WWOX: variants seen among roughly 807,000 people sequenced by gnomAD.
WWOX encodes the protein WW domain containing oxidoreductase.
A neutral mutation model predicts 46.2 loss-of-function variants in WWOX; 69 were observed. That is an observed-to-expected ratio of 1.49 (90% CI 1.23 to 1.82). The LOEUF (loss-of-function observed/expected upper bound fraction) is 1.82, where lower values mean the gene tolerates loss of function less well. WWOX is among the 40% of genes most tolerant of loss of function. WWOX has a pLI of 0.00. For missense variants in WWOX, 919 were observed against 542.6 expected (o/e 1.69, Z -6.89); for synonymous variants, 359 against 202.6 (o/e 1.77, Z -6.56).
At chr16:78,386,996 A>C in intron 6 of WWOX, 48 bp downstream of exon 6, 1 of 1,560,332 alleles carries the variant, frequency 6.4e-7, no homozygotes, top group South Asian at 1.1e-5. Flanking sequence ...TTGCTATTGT[A>C]ATATCTTTAT....
intron 8 of WWOX, among the ~76,000 whole-genome samples, chr16:78,511,327 C>G (rs575947109): frequency 6.6e-6 from 1 of 152,204 alleles, no homozygotes; most frequent in African/African-American, 2.4e-5. Context: ...GGTCCAGACA[C>G]TATGACCGTT....
chr16:78,478,255 A>G (rs903791500), intron 8 of WWOX, among the ~76,000 whole-genome samples: 3 of 152,214 alleles, frequency 2.0e-5, no homozygotes, highest in African/African-American at 7.2e-5. Flanking sequence ...TTTATGGCCT[A>G]TTCCATTCTT....
At position 78,454,489 on chromosome 16, in the gene WWOX, T is replaced by TTG. The variant is rs576839297; in HGVS notation, c.1056+21738_1056+21739insGT. On this transcript the variant is annotated intron_variant, in intron 8 of 8. Coordinates refer to ENST00000566780, the MANE Select transcript of WWOX (RefSeq NM_016373.4). Reference sequence around the variant, plus strand: ...TTTCCCCTAGGTTGTGTTTTTGTGTTTTTGTTTGTTTGTTTGTTTCTTTGT... The same window carrying TTG: ...TTTCCCCTAGGTTGTGTTTTTGTGTTTGTTTGTTTGTTTGTTTGTTTCTTTGT... 3.7e-4 allele frequency among the ~76,000 whole-genome samples: 53 copies of TTG among 142,122 alleles called. No homozygotes were observed. The South Asian group carries it at 0.011, about 31-fold the overall frequency. 93.2% of individuals were successfully genotyped at this position (142,122 alleles called of 152,430 possible). A position where few individuals can be genotyped will look rare whatever the true frequency, so the allele number is the denominator to read the frequency against.
intron 8 of WWOX, among the ~76,000 whole-genome samples, chr16:78,857,110 C>T (rs917546744): frequency 2.6e-5 from 4 of 152,192 alleles, no homozygotes; most frequent in Admixed American, 6.5e-5. Flanking sequence ...ATCAAAATGT[C>T]ATTATGCAGT....
chr16:78,999,799 G>C (rs1232011818), intron 8 of WWOX, among the ~76,000 whole-genome samples: 4 of 152,066 alleles, frequency 2.6e-5, no homozygotes, highest in East Asian at 1.9e-4. Flanking sequence ...TAAAAGTGCA[G>C]ACTTCACCAC....
chr16:78,314,701 G>GTTTTTTTTTTTTTTTT (rs920575863), intron 5 of WWOX, among the ~76,000 whole-genome samples: 61 of 61,276 alleles, frequency 1.0e-3, no homozygotes, highest in African/African-American at 2.5e-3. Context: ...TTTTTTTTTT[G>GTTTTTTTTTTTTTTTT]TTTTTTTTTT....
rs4544252 is a variant in WWOX, at chr16:78,342,109, A to C, written c.517-44751A>C. Among the ~76,000 whole-genome samples the C allele has an allele frequency of 2.6e-4, 32 of 121,412 alleles. No individual in the cohort carries two copies. The East Asian group carries it at 6.2e-3, about 24-fold the overall frequency. 79.7% of individuals were successfully genotyped at this position (121,412 alleles called of 152,430 possible). A position where few individuals can be genotyped will look rare whatever the true frequency, so the allele number is the denominator to read the frequency against. On this transcript the variant is annotated intron_variant, in intron 5 of 8. Coordinates refer to ENST00000566780, the MANE Select transcript of WWOX (RefSeq NM_016373.4). ...CTAATTTAGGCAGCAGAATGAGACT[A>C]TGTCTCAAGAAAATGTTCAAGAAGA... is the stretch of plus-strand genomic sequence containing the variant.
At chr16:78,695,436 A>G (rs1229961594) in intron 8 of WWOX, among the ~76,000 whole-genome samples, 1 of 152,152 alleles carries the variant, frequency 6.6e-6, no homozygotes, top group Non-Finnish European at 1.5e-5. Context: ...TCGGGAGCAC[A>G]TTGATACCCT....
intron 8 of WWOX, among the ~76,000 whole-genome samples, chr16:78,564,410 C>T (rs2044513710): frequency 6.6e-6 from 1 of 152,146 alleles, no homozygotes; most frequent in Admixed American, 6.5e-5. Context: ...TCTCAGGAAG[C>T]ATGAACATTT....
chr16:78,161,894 G>C (rs1375933914), intron 4 of WWOX, among the ~76,000 whole-genome samples: 2 of 152,022 alleles, frequency 1.3e-5, no homozygotes, highest in African/African-American at 4.8e-5. Context: ...AGGATACTTT[G>C]CTTCCATTAC....
intron 8 of WWOX, among the ~76,000 whole-genome samples, chr16:78,951,766 T>TTACA (rs769486172): frequency 1.6e-4 from 25 of 152,210 alleles, no homozygotes; most frequent in Non-Finnish European, 2.8e-4. Context: ...AGCCACATAC[T>TTACA]TACAGTTGTG....
intron 8 of WWOX, among the ~76,000 whole-genome samples, chr16:78,493,639 C>A (rs4888808): frequency 0.63 from 95,354 of 152,062 alleles, 33,745 homozygotes; most frequent in East Asian, 0.82. Flanking sequence ...GTATCTAGTA[C>A]TTGCTATGCA....
At chr16:78,376,827 C>T (rs1050122200) in intron 5 of WWOX, among the ~76,000 whole-genome samples, 1 of 152,224 alleles carries the variant, frequency 6.6e-6, no homozygotes, top group African/African-American at 2.4e-5. Flanking sequence ...GTATAGTTCT[C>T]TCCCTCCCAA....
chr16:79,141,494 A>G (rs2050087948), intron 8 of WWOX, among the ~76,000 whole-genome samples: 1 of 152,236 alleles, frequency 6.6e-6, no homozygotes, highest in Admixed American at 6.5e-5. Context: ...TGTCAACATG[A>G]ACTGTCAGTG....
intron 8 of WWOX, among the ~76,000 whole-genome samples, chr16:78,475,089 A>G (rs902006363): frequency 6.6e-6 from 1 of 152,224 alleles, no homozygotes; most frequent in Non-Finnish European, 1.5e-5. Flanking sequence ...TGTGACTGAT[A>G]AAACCACTGC....
chr16:78,622,553 A>T (rs2046214822), intron 8 of WWOX, among the ~76,000 whole-genome samples: 1 of 151,914 alleles, frequency 6.6e-6, no homozygotes, highest in Admixed American at 6.6e-5. Context: ...AAAAAAAAAA[A>T]AAAGTGAACC....
chr16:78,109,810 G>A lies in WWOX; in HGVS notation c.205G>A (p.Glu69Lys), dbSNP rs2032383398. The A allele has an allele frequency of 7.4e-6, 12 of 1,614,192 alleles. No individual in the cohort carries two copies. The highest frequency in any genetic ancestry group is 1.0e-5 in the Non-Finnish European group (12 of 1,180,042). ...LPYGWEQETD[E>K]NGQVFFVDHI... ...ATACGGATGGGAACAAGAAACTGAT[G>A]AGAACGGACAAGTGTTTTTTGTTGA... The change falls in exon 3 of 9, where the codon GAG becomes AAG. Residue 69 changes from glutamate (E) to lysine (K), a missense_variant. Coordinates refer to ENST00000566780, the MANE Select transcript of WWOX (RefSeq NM_016373.4).
At chr16:78,433,878 C>T (rs982972998) in intron 8 of WWOX, among the ~76,000 whole-genome samples, 3 of 149,532 alleles carry the variant, frequency 2.0e-5, no homozygotes, top group Non-Finnish European at 4.4e-5. Context: ...CAAGCTCCGC[C>T]TCCCGGGTTC....
At chr16:78,637,134 A>G (rs982105038) in intron 8 of WWOX, among the ~76,000 whole-genome samples, 4 of 152,136 alleles carry the variant, frequency 2.6e-5, no homozygotes, top group Non-Finnish European at 2.9e-5. Flanking sequence ...AATCTTCACA[A>G]TAACTCTGTG....
Sources: gnomAD v4.1 joint callset for allele counts (sites outside exome capture counted in the v4.1 genomes callset) on GRCh38, gnomAD v4.1.1 for gene constraint, MANE v1.5 for transcripts, NCBI Gene and HGNC (gene_info 2026-07-23, HGNC 2026-07-21) for gene names.